The following PSMA1 variants were observed in gnomAD, a reference collection of about 807,000 sequenced individuals.
PSMA1 encodes the protein proteasome subunit alpha type-1.
A neutral mutation model predicts 38.4 loss-of-function variants in PSMA1; 3 were observed. The ratio of observed to expected loss-of-function variants is 0.08; its 90% CI spans 0.04 to 0.20. The LOEUF (loss-of-function observed/expected upper bound fraction) is 0.20. PSMA1 is among the 10% of genes least tolerant of loss of function. The pLI is 1.00. For missense variants in PSMA1, 227 were observed against 325.3 expected (o/e 0.70, Z 2.32); for synonymous variants, 101 against 107.1 (o/e 0.94, Z 0.35).
chr11:14,576,869 G>A (rs2917562), intron 2 of PSMA1, among the ~76,000 whole-genome samples: 20,535 of 152,134 alleles, frequency 0.13, 1,919 homozygotes, highest in African/African-American at 0.27. Context: ...ATTACCTTGC[G>A]CAGTATGGCC....
At chr11:14,608,193 A>G (rs1300197426) in intron 2 of PSMA1, among the ~76,000 whole-genome samples, 1 of 152,064 alleles carries the variant, frequency 6.6e-6, no homozygotes, top group East Asian at 1.9e-4. Flanking sequence ...TCTACAAAAA[A>G]TTTAAAAATT....
chr11:14,625,496 T>C (rs1852899429), intron 1 of PSMA1, among the ~76,000 whole-genome samples: 1 of 152,172 alleles, frequency 6.6e-6, no homozygotes, highest in Admixed American at 6.6e-5. Context: ...GGAACATAAT[T>C]GACTACTGGA....
chr11:14,565,054 C>T (rs1023272143), intron 2 of PSMA1, among the ~76,000 whole-genome samples: 4 of 152,326 alleles, frequency 2.6e-5, no homozygotes, highest in African/African-American at 7.2e-5. Context: ...GCTGAGATTA[C>T]AGGCATGAGC....
chr11:14,588,016 T>C (rs572063002), intron 2 of PSMA1, among the ~76,000 whole-genome samples: 2 of 152,314 alleles, frequency 1.3e-5, no homozygotes, highest in Admixed American at 1.3e-4. Context: ...GAAGATATGA[T>C]GAAAATACAG....
intron 2 of PSMA1, among the ~76,000 whole-genome samples, chr11:14,580,163 T>C (rs1036921184): frequency 6.6e-6 from 1 of 152,172 alleles, no homozygotes; most frequent in Non-Finnish European, 1.5e-5. Flanking sequence ...CTATGAATAA[T>C]GGATGATTTT....
chr11:14,571,335 T>C (rs1025299314), intron 2 of PSMA1, among the ~76,000 whole-genome samples: 1 of 152,200 alleles, frequency 6.6e-6, no homozygotes, highest in Non-Finnish European at 1.5e-5. Flanking sequence ...AGTGCTGGGA[T>C]TACAGGCATG....
intron 2 of PSMA1, among the ~76,000 whole-genome samples, chr11:14,580,951 T>G (rs556100607): frequency 6.6e-6 from 1 of 152,268 alleles, no homozygotes; most frequent in Non-Finnish European, 1.5e-5. Context: ...TGGCAACACA[T>G]CAGGAGTGAT....
chr11:14,518,083 A>AT (rs1283301997), intron 2 of PSMA1, 102 bp from the exon 3 acceptor site: 473 of 774,964 alleles, frequency 6.1e-4, no homozygotes, highest in Non-Finnish European at 6.9e-4. Context: ...ATCTCAACTG[A>AT]TTTTTTTTTT....
At chr11:14,531,943 A>G (rs1413637178) in intron 2 of PSMA1, among the ~76,000 whole-genome samples, 1 of 152,202 alleles carries the variant, frequency 6.6e-6, no homozygotes, top group Non-Finnish European at 1.5e-5. Flanking sequence ...CATGTTGGCC[A>G]CAGGTTGGCA....
At position 14,513,122 on chromosome 11, in the gene PSMA1, C is replaced by T. The variant is rs1851371641; in HGVS notation, c.544+448G>A. 2.0e-5 allele frequency among the ~76,000 whole-genome samples: 3 copies of T among 152,292 alleles called. No homozygotes were observed. In the South Asian group the frequency reaches 6.2e-4, roughly 32 times the overall value. On this transcript the variant is annotated intron_variant, in intron 7 of 9. Coordinates refer to ENST00000396394, the MANE Select transcript of PSMA1 (RefSeq NM_002786.4). Reference sequence around the variant, plus strand: ...AACCTGTCCTGTCATAACATCTTACCTCTTTTACCTTCTTCTCCCTCAACT... The same window carrying T: ...AACCTGTCCTGTCATAACATCTTACTTCTTTTACCTTCTTCTCCCTCAACT...
intron 1 of PSMA1, among the ~76,000 whole-genome samples, chr11:14,634,103 G>A (rs537734524): frequency 2.0e-5 from 3 of 152,240 alleles, no homozygotes; most frequent in South Asian, 2.1e-4. Context: ...CGTCTTCTGC[G>A]TCGCTCACAC....
chr11:14,520,139 G>C (rs1326574468), intron 1 of PSMA1, 158 bp downstream of exon 1: 2 of 1,196,536 alleles, frequency 1.7e-6, no homozygotes, highest in African/African-American at 1.5e-5. Flanking sequence ...GCCCGGCCAG[G>C]CCGGAGATGC....
At chr11:14,564,440 C>A (rs1435510630) in intron 2 of PSMA1, among the ~76,000 whole-genome samples, 1 of 152,054 alleles carries the variant, frequency 6.6e-6, no homozygotes, top group Non-Finnish European at 1.5e-5. Flanking sequence ...AAACTATTCA[C>A]TCATTGAAGT....
intron 2 of PSMA1, among the ~76,000 whole-genome samples, chr11:14,549,700 C>CAAAA (rs369153742): frequency 1.3e-5 from 1 of 74,482 alleles, no homozygotes; most frequent in Non-Finnish European, 2.9e-5. Flanking sequence ...GACTCCATCT[C>CAAAA]AAAAAAAAAA....
intron 2 of PSMA1, among the ~76,000 whole-genome samples, chr11:14,595,217 C>T (rs1040085419): frequency 3.9e-5 from 6 of 152,134 alleles, no homozygotes; most frequent in Admixed American, 1.3e-4. Flanking sequence ...AATAAACATA[C>T]GTGTGCATGT....
At chr11:14,532,394 C>T (rs1456906355) in intron 2 of PSMA1, among the ~76,000 whole-genome samples, 1 of 151,742 alleles carries the variant, frequency 6.6e-6, no homozygotes, top group Non-Finnish European at 1.5e-5. Flanking sequence ...CTCCTGAGAT[C>T]AGGAGTTCGA....
At chr11:14,517,836 AC>A in intron 3 of PSMA1, 43 bp downstream of exon 3, 1 of 1,535,698 alleles carries the variant, frequency 6.5e-7, no homozygotes, top group Non-Finnish European at 8.8e-7. Context: ...GGTGAAATTT[AC>A]ATTGTTTTCT....
At chr11:14,521,955 C>G (rs1289814467), upstream of PSMA1, among the ~76,000 whole-genome samples, 1 of 152,102 alleles carries the variant, frequency 6.6e-6, no homozygotes, top group Non-Finnish European at 1.5e-5. Flanking sequence ...TGTTCTCTTT[C>G]GTTTCTCCAG....
At chr11:14,544,408 A>T (rs1358198183) in intron 2 of PSMA1, among the ~76,000 whole-genome samples, 1 of 152,196 alleles carries the variant, frequency 6.6e-6, no homozygotes, top group African/African-American at 2.4e-5. Context: ...ATGGAAAAAA[A>T]AATTGCAAAT....
Sources: gnomAD v4.1 joint callset for allele counts (sites outside exome capture counted in the v4.1 genomes callset) on GRCh38, gnomAD v4.1.1 for gene constraint, MANE v1.5 for transcripts, NCBI Gene and HGNC (gene_info 2026-07-23, HGNC 2026-07-21) for gene names.